IGF2BP3: variants seen among roughly 807,000 people sequenced by gnomAD.
IGF2BP3 encodes insulin like growth factor 2 mRNA binding protein 3.
IGF2BP3 carries 9 observed loss-of-function variants against 73.8 expected under a neutral mutation model. The observed-to-expected ratio is 0.12, with a 90% CI of 0.07 to 0.21. The LOEUF (loss-of-function observed/expected upper bound fraction) is 0.21. Ranked by LOEUF, IGF2BP3 falls within the 10% of genes least tolerant of loss-of-function variation. The pLI, the probability that IGF2BP3 is intolerant of heterozygous loss-of-function variation, is 1.00. For missense variants in IGF2BP3, 542 were observed against 714.0 expected (o/e 0.76, Z 2.75); for synonymous variants, 258 against 256.7 (o/e 1.01, Z -0.05).
intron 10 of IGF2BP3, among the ~76,000 whole-genome samples, chr7:23,341,448 T>C (rs117553971): frequency 0.018 from 2,786 of 152,280 alleles, 57 homozygotes; most frequent in Middle Eastern, 0.031. Context: ...GGCAGACCAC[T>C]GGAGGCCAGG....
chr7:23,387,063 C>CAA (rs554283709), intron 3 of IGF2BP3, among the ~76,000 whole-genome samples: 44 of 90,904 alleles, frequency 4.8e-4, no homozygotes, highest in East Asian at 1.9e-3. Flanking sequence ...AAGACTCTGT[C>CAA]AAAAAAAAAA....
rs566324339 is a variant in IGF2BP3, at chr7:23,322,526, A to C, written c.1204-3272T>G. 7.4e-3 allele frequency among the ~76,000 whole-genome samples: 1,134 copies of C among 152,338 alleles called. 14 individuals are homozygous for C. Among genetic ancestry groups the C allele is most frequent in the African/African-American group, 0.025 (1,060 of 41,580 alleles). ...GATATTATGCAGGAGAACTTCCCCA[A>C]TCTAGCAAGGCAGGCCAACATTCAG... On this transcript the variant is annotated intron_variant, in intron 10 of 14. Coordinates refer to ENST00000258729, the MANE Select transcript of IGF2BP3 (RefSeq NM_006547.3).
At chr7:23,390,162 CAT>C (rs1246591185) in intron 3 of IGF2BP3, among the ~76,000 whole-genome samples, 1 of 152,112 alleles carries the variant, frequency 6.6e-6, no homozygotes, top group Non-Finnish European at 1.5e-5. Flanking sequence ...TATAAAGCAA[CAT>C]AGAATTTCTA....
chr7:23,364,969 C>T (rs1187766851), intron 3 of IGF2BP3, among the ~76,000 whole-genome samples: 1 of 152,120 alleles, frequency 6.6e-6, no homozygotes, highest in Non-Finnish European at 1.5e-5. Flanking sequence ...AGTTTGAGAC[C>T]AGCCTGGCCA....
Position 23,437,398 on chromosome 7 carries a change from G to A in IGF2BP3, c.237-18574C>T, listed in dbSNP as rs58540724. Among the ~76,000 whole-genome samples the A allele has an allele frequency of 6.4e-3, 980 of 152,056 alleles. 7 individuals are homozygous for A. The highest frequency in any genetic ancestry group is 0.022 in the African/African-American group (914 of 41,456). ...CTTAGGGGGCTGAGGCAGGAGAATCGCTTAAACCCAGGAGGCGGAGGTTGC... is the reference window on the plus strand; with the variant it reads ...CTTAGGGGGCTGAGGCAGGAGAATCACTTAAACCCAGGAGGCGGAGGTTGC... On this transcript the variant is annotated intron_variant, in intron 2 of 14. Transcript: ENST00000258729.
At chr7:23,439,609 G>GTA (rs1489522645) in intron 2 of IGF2BP3, among the ~76,000 whole-genome samples, 1 of 145,684 alleles carries the variant, frequency 6.9e-6, no homozygotes, top group African/African-American at 2.5e-5. Context: ...TTATGATAAT[G>GTA]TAGGTTGTGA....
chr7:23,411,895 G>A (rs1787034410), intron 3 of IGF2BP3, among the ~76,000 whole-genome samples: 1 of 150,726 alleles, frequency 6.6e-6, no homozygotes, highest in Admixed American at 6.6e-5. Flanking sequence ...ATTAACTATG[G>A]TATTGTTTCG....
intron 3 of IGF2BP3, among the ~76,000 whole-genome samples, chr7:23,367,729 G>T (rs922158386): frequency 1.3e-5 from 2 of 152,058 alleles, no homozygotes; most frequent in African/African-American, 4.8e-5. Flanking sequence ...GGCTGGGCGC[G>T]GTGGCTCACG....
intron 2 of IGF2BP3, among the ~76,000 whole-genome samples, chr7:23,445,214 A>G (rs1340374686): frequency 6.6e-6 from 1 of 152,252 alleles, no homozygotes; most frequent in Non-Finnish European, 1.5e-5. Flanking sequence ...GGAAGGAGAA[A>G]AATAAAGTAT....
At chr7:23,450,889 A>G (rs926225366) in intron 2 of IGF2BP3, among the ~76,000 whole-genome samples, 1 of 152,234 alleles carries the variant, frequency 6.6e-6, no homozygotes, top group Admixed American at 6.5e-5. Flanking sequence ...TAAATTTAAA[A>G]AGGAATTTTT....
rs1485123677 is a variant in IGF2BP3 at position 23,310,937 on chromosome 7, T to C, written c.*1425A>G. 3 of 152,172 alleles carry C rather than the reference T, an allele frequency of 2.0e-5. No individual in the cohort carries two copies. Among genetic ancestry groups the C allele is most frequent in the Non-Finnish European group, 4.4e-5 (3 of 68,028 alleles). 9.4% of individuals were successfully genotyped at this position (152,172 alleles called of 1,614,324 possible). Reference sequence around the variant, plus strand: ...CCAACACAATTGTACGTACTGGGCTTTGCTGTCAAGGAGTGAGCAAATGAG... The same window carrying C: ...CCAACACAATTGTACGTACTGGGCTCTGCTGTCAAGGAGTGAGCAAATGAG... On this transcript the variant is annotated 3_prime_UTR_variant, in exon 15 of 15. Transcript: ENST00000258729.
chr7:23,430,522 T>C (rs1584036188), intron 2 of IGF2BP3, among the ~76,000 whole-genome samples: 2 of 152,232 alleles, frequency 1.3e-5, no homozygotes, highest in South Asian at 4.1e-4. Context: ...CAAATTTTCA[T>C]TCCAGCTGTG....
chr7:23,402,875 G>A (rs1193229301), intron 3 of IGF2BP3, among the ~76,000 whole-genome samples: 1 of 152,188 alleles, frequency 6.6e-6, no homozygotes, highest in Non-Finnish European at 1.5e-5. Flanking sequence ...AATTCTCAAT[G>A]GAGAAAGCTT....
In IGF2BP3 at chr7:23,339,488, G is replaced by A. The variant is rs552206299; in HGVS notation, c.1203+2576C>T. Reference sequence around the variant, plus strand: ...GTCTTATCTACATATTTTAAAAATAGTTACCTACAAGTTCACTCTAGGAAT... The same window carrying A: ...GTCTTATCTACATATTTTAAAAATAATTACCTACAAGTTCACTCTAGGAAT... On this transcript the variant is annotated intron_variant, in intron 10 of 14. Transcript: ENST00000258729. Among the ~76,000 whole-genome samples, 17 of 152,268 alleles carry A rather than the reference G, an allele frequency of 1.1e-4. No individual in the cohort carries two copies. In the South Asian group the frequency reaches 3.1e-3, roughly 28 times the overall value.
At chr7:23,392,470 A>ATG (rs1562722395) in intron 3 of IGF2BP3, among the ~76,000 whole-genome samples, 1 of 150,322 alleles carries the variant, frequency 6.7e-6, no homozygotes, top group South Asian at 2.1e-4. Flanking sequence ...ACACATATAT[A>ATG]TGTATATATA....
intron 10 of IGF2BP3, among the ~76,000 whole-genome samples, chr7:23,327,986 A>G (rs1214650226): frequency 6.6e-6 from 1 of 152,112 alleles, no homozygotes; most frequent in South Asian, 2.1e-4. Flanking sequence ...TCCGTAGGTC[A>G]CAGTTTACTC....
intron 2 of IGF2BP3, chr7:23,467,715 A>G (rs1788599775): frequency 6.6e-6 from 1 of 152,252 alleles, no homozygotes; most frequent in African/African-American, 2.4e-5. Flanking sequence ...ATGTCTCCAA[A>G]ATGCTTCAGA....
intron 2 of IGF2BP3, chr7:23,431,054 T>C (rs1340952283): frequency 6.6e-6 from 1 of 152,212 alleles, no homozygotes; most frequent in Non-Finnish European, 1.5e-5. Flanking sequence ...TTAAAATACG[T>C]GGTTTTATCA....
At position 23,359,681 on chromosome 7, in the gene IGF2BP3, T is replaced by A. The variant is rs577375633; in HGVS notation, c.401+1853A>T. 1.1e-4 allele frequency among the ~76,000 whole-genome samples: 17 copies of A among 151,750 alleles called. No homozygotes were observed. In the East Asian group the frequency reaches 3.3e-3, roughly 29 times the overall value. On this transcript the variant is annotated intron_variant, in intron 5 of 14. Transcript: ENST00000258729. ...GGGCAACATGGTGAAACCCCATGTC[T>A]ACAAAAAAAATACAAAAAAAAAGAC...
Sources: allele counts gnomAD v4.1 joint callset (sites outside exome capture counted in the v4.1 genomes callset), GRCh38; gene constraint gnomAD v4.1.1; transcripts MANE v1.5; gene names NCBI Gene and HGNC (gene_info 2026-07-23, HGNC 2026-07-21).